Variants in C12orf50 observed in about 807,000 individuals in gnomAD.
The protein encoded by C12orf50 is zinc finger CCCH-type containing 11D, also known as uncharacterized protein C12orf50.
In C12orf50, 35 loss-of-function variants were observed where a neutral mutation model predicts 61.6. The ratio of observed to expected loss-of-function variants is 0.57; its 90% CI spans 0.43 to 0.75. C12orf50 has a LOEUF of 0.75. Among genes scored for constraint, C12orf50 ranks in the 30% least tolerant of loss-of-function variants. C12orf50 has a pLI of 0.00. For synonymous variants in C12orf50, 178 were observed against 161.5 expected (o/e 1.10, Z -0.77); for missense variants, 475 against 488.5 (o/e 0.97, Z 0.26).
At chr12:88,015,362 C>A (rs1565758085) in intron 3 of C12orf50, among the ~76,000 whole-genome samples, 1 of 152,188 alleles carries the variant, frequency 6.6e-6, no homozygotes, top group Non-Finnish European at 1.5e-5. Flanking sequence ...GCTAGACATT[C>A]TAAAGAAAGC....
chr12:87,992,642 A>C (rs1354128815), intron 7 of C12orf50, among the ~76,000 whole-genome samples: 1 of 136,598 alleles, frequency 7.3e-6, no homozygotes, highest in Non-Finnish European at 1.5e-5. Context: ...TATAAAGGTC[A>C]AAAAATGCAA....
intron 12 of C12orf50, among the ~76,000 whole-genome samples, chr12:87,981,601 C>T (rs1237822002): frequency 6.6e-6 from 1 of 152,102 alleles, no homozygotes; most frequent in East Asian, 1.9e-4. Context: ...CAGAAGCAAT[C>T]TGTCAAGATT....
chr12:87,999,861 G>A (rs1293305029), intron 3 of C12orf50, among the ~76,000 whole-genome samples: 2 of 152,044 alleles, frequency 1.3e-5, no homozygotes, highest in Non-Finnish European at 2.9e-5. Flanking sequence ...AAGTAATAAA[G>A]TACTGTTGCA....
intron 3 of C12orf50, among the ~76,000 whole-genome samples, chr12:88,012,971 AGAGGAT>A: frequency 1.3e-5 from 2 of 152,148 alleles, no homozygotes; most frequent in African/African-American, 4.8e-5. Context: ...GGCTGAGGTG[AGAGGAT>A]CACTTGGGCC....
Position 88,027,059 on chromosome 12 carries a change from G to T in C12orf50, c.-97C>A, listed in dbSNP as rs2032734336. 1 of 1,609,060 alleles carries T rather than the reference G, an allele frequency of 6.2e-7. No individual in the cohort carries two copies. The highest frequency in any genetic ancestry group is 8.5e-7 in the Non-Finnish European group (1 of 1,178,702). ...GGGCCTCTTCACAGTGTCGGAATCG[G>T]CACTGGGAACCCTAAAAGAAAAAGT... On this transcript the variant is annotated 5_prime_UTR_variant, in exon 2 of 13. Transcript: ENST00000298699.
chr12:88,020,786 A>G lies in C12orf50; in HGVS notation c.133+5702T>C, dbSNP rs138081595. ...TCCAAAACTGACCATACATTTGGAC[A>G]TAAAACAATACTCAGCAAATTAAAA... On this transcript the variant is annotated intron_variant, in intron 3 of 12. Transcript: ENST00000298699. Among the ~76,000 whole-genome samples, 719 of 151,912 alleles carry G rather than the reference A, an allele frequency of 4.7e-3. 3 individuals carry two copies. The highest frequency in any genetic ancestry group is 7.4e-3 in the Non-Finnish European group (505 of 67,970).
chr12:88,025,653 T>C (rs1395808198), intron 3 of C12orf50, among the ~76,000 whole-genome samples: 1 of 152,086 alleles, frequency 6.6e-6, no homozygotes, highest in Non-Finnish European at 1.5e-5. Flanking sequence ...GCATGAGAAT[T>C]GCTTGAACCC....
At chr12:88,025,012 TAATA>T (rs1204903068) in intron 3 of C12orf50, among the ~76,000 whole-genome samples, 2 of 152,020 alleles carry the variant, frequency 1.3e-5, no homozygotes, top group African/African-American at 4.8e-5. Context: ...GTGACAGCAA[TAATA>T]AATAACCACT....
chr12:87,999,294 G>A (rs1451155959), intron 3 of C12orf50, among the ~76,000 whole-genome samples: 8 of 151,986 alleles, frequency 5.3e-5, no homozygotes, highest in South Asian at 2.1e-4. Context: ...GTGTGATGGC[G>A]CACACCTGTA....
At chr12:88,022,743 A>G (rs2032562172) in intron 3 of C12orf50, among the ~76,000 whole-genome samples, 1 of 152,186 alleles carries the variant, frequency 6.6e-6, no homozygotes, top group South Asian at 2.1e-4. Flanking sequence ...CAGGAATGCA[A>G]TTCCATTAAT....
At chr12:88,023,406 C>T (rs557683310) in intron 3 of C12orf50, among the ~76,000 whole-genome samples, 2 of 151,916 alleles carry the variant, frequency 1.3e-5, no homozygotes, top group African/African-American at 4.8e-5. Flanking sequence ...TGGCTCATGC[C>T]TATAATCCCA....
rs531818026 is a variant in C12orf50, at chr12:87,993,992, G to C, written c.592+641C>G. Among the ~76,000 whole-genome samples the C allele has an allele frequency of 1.2e-3, 178 of 152,146 alleles. 1 individual carries two copies. The highest frequency in any genetic ancestry group is 3.4e-3 in the Middle Eastern group (1 of 294). Reference sequence around the variant, plus strand: ...AGGCGGGCAAATCACCTGAGGTAAGGAGTTTGAGGCCAGCCTGACCAACAT... The same window carrying C: ...AGGCGGGCAAATCACCTGAGGTAAGCAGTTTGAGGCCAGCCTGACCAACAT... On this transcript the variant is annotated intron_variant, in intron 7 of 12. Coordinates refer to ENST00000298699, the MANE Select transcript of C12orf50 (RefSeq NM_152589.3).
intron 4 of C12orf50, 110 bp from the exon 5 acceptor site, chr12:87,996,756 T>A: frequency 1.4e-6 from 1 of 715,778 alleles, no homozygotes; most frequent in Non-Finnish European, 2.3e-6. Context: ...AGATTACTTT[T>A]TTATATTTCT....
intron 7 of C12orf50, among the ~76,000 whole-genome samples, chr12:87,993,808 T>G (rs1232659640): frequency 6.6e-6 from 1 of 152,232 alleles, no homozygotes; most frequent in Non-Finnish European, 1.5e-5. Context: ...TTTTCCAACA[T>G]GTTTATGCTA....
chr12:87,996,526 T>A (rs2031401723), intron 5 of C12orf50, 39 bp from the exon 6 acceptor site: 1 of 1,589,790 alleles, frequency 6.3e-7, no homozygotes, highest in East Asian at 2.2e-5. Flanking sequence ...AGTATATTTA[T>A]CACATCAAGT....
chr12:88,005,769 C>A (rs988856271), intron 3 of C12orf50, among the ~76,000 whole-genome samples: 1 of 150,818 alleles, frequency 6.6e-6, no homozygotes, highest in Non-Finnish European at 1.5e-5. Flanking sequence ...AAACACCAGG[C>A]GAAATTGCCT....
intron 1 of C12orf50, among the ~76,000 whole-genome samples, chr12:88,028,464 T>A (rs1464047954): frequency 6.6e-6 from 1 of 152,168 alleles, no homozygotes; most frequent in African/African-American, 2.4e-5. Context: ...GATCTATACA[T>A]CCTAATACAT....
rs546803976 is a variant in C12orf50, at chr12:88,018,308, C to T, written c.133+8180G>A. ...GTTTCAGAGGGTGCAGACCCCAAGC[C>T]TTGACAGCTTCCATGTGGTGTTGAG... On this transcript the variant is annotated intron_variant, in intron 3 of 12. Coordinates refer to ENST00000298699, the MANE Select transcript of C12orf50 (RefSeq NM_152589.3). 2.0e-5 allele frequency among the ~76,000 whole-genome samples: 3 copies of T among 152,340 alleles called. No homozygotes were observed. In the South Asian group the frequency reaches 6.2e-4, roughly 32 times the overall value.
At chr12:88,006,526 G>A (rs1161625001) in intron 3 of C12orf50, among the ~76,000 whole-genome samples, 1 of 152,088 alleles carries the variant, frequency 6.6e-6, no homozygotes. Flanking sequence ...TTAAAATTGG[G>A]GCACAAAGCA....
Sources: allele counts gnomAD v4.1 joint callset (sites outside exome capture counted in the v4.1 genomes callset), GRCh38; gene constraint gnomAD v4.1.1; transcripts MANE v1.5; gene names NCBI Gene and HGNC (gene_info 2026-07-23, HGNC 2026-07-21).